DENND6B: variants seen among roughly 807,000 people sequenced by gnomAD.
DENND6B encodes DENN domain containing 6B, also known as protein DENND6B.
DENND6B carries 73 observed loss-of-function variants against 85.1 expected under a neutral mutation model. The ratio of observed to expected loss-of-function variants is 0.86; its 90% CI spans 0.71 to 1.04. The LOEUF (loss-of-function observed/expected upper bound fraction) is 1.04, where lower values mean the gene tolerates loss of function less well. DENND6B is among the 50% of genes least tolerant of loss of function. DENND6B has a pLI of 0.00. For missense variants in DENND6B, 715 were observed against 785.8 expected, an observed-to-expected ratio of 0.91 and a Z score of 1.08; for synonymous variants, 357 against 329.3, an observed-to-expected ratio of 1.08 and a Z score of -0.91.
Position 50,326,903 on chromosome 22 carries a change from C to A in DENND6B, c.86G>T (p.Arg29Leu). 1 of 1,389,422 alleles carries A rather than the reference C, an allele frequency of 7.2e-7. No homozygotes were observed. 86.1% of individuals were successfully genotyped at this position (1,389,422 alleles called of 1,614,324 possible). ...GCGCGCCCAGGGCGCCGCCGGGGTCCGCGCCGCGCGACCTGAAGACGTGGG... is the reference window on the plus strand; with the variant it reads ...GCGCGCCCAGGGCGCCGCCGGGGTCAGCGCCGCGCGACCTGAAGACGTGGG... ...AGPTSSGRAA[R>L]TPAAPWARFS... Residue 29 changes from arginine to leucine, a missense_variant, in exon 1 of 20, where the codon CGG becomes CTG. Coordinates refer to ENST00000413817, the MANE Select transcript of DENND6B (RefSeq NM_001001794.4).
chr22:50,312,886 T>A, intron 17 of DENND6B, 113 bp downstream of exon 17: 1 of 574,212 alleles, frequency 1.7e-6, no homozygotes, highest in Non-Finnish European at 2.8e-6. Context: ...ACCCTGGGGA[T>A]TGACAGGCGG....
rs373054756 is a variant in DENND6B at position 50,312,315 on chromosome 22, G to A, written c.1635+28C>T. ...CGCAGCTCCGTGCCAGGCTGGTGGC[G>A]CTGGGACAAGGCTGGGAGGCATCTT... On this transcript the variant is annotated intron_variant, in intron 19 of 19. Transcript: ENST00000413817. 2.5e-5 allele frequency: 40 copies of A among 1,610,984 alleles called. No individual in the cohort carries two copies. The African/African-American group carries it at 3.2e-4, about 13-fold the overall frequency.
intron 16 of DENND6B, 102 bp from the exon 17 acceptor site, chr22:50,313,210 GC>G: frequency 2.4e-6 from 3 of 1,255,614 alleles, no homozygotes; most frequent in Middle Eastern, 1.9e-4. Flanking sequence ...AAGACCCCCA[GC>G]CCCCACCCTG....
At chr22:50,313,562 G>T in intron 15 of DENND6B, 63 bp from the exon 16 acceptor site, 1 of 374,420 alleles carries the variant, frequency 2.7e-6, no homozygotes, top group Non-Finnish European at 3.6e-6. Flanking sequence ...ATCCCCCGCA[G>T]CCCCGTCCCC....
chr22:50,314,633 T>A lies in DENND6B; in HGVS notation c.949A>T (p.Lys317Ter), dbSNP rs755598249. 47 of 1,566,438 alleles carry A rather than the reference T, an allele frequency of 3.0e-5. No homozygotes were observed. The highest frequency in any genetic ancestry group is 3.8e-5 in the Non-Finnish European group (44 of 1,156,104). Residue 317 changes from lysine to a stop codon, truncating the protein, a stop_gained, in exon 11 of 20, where the codon AAG becomes TAG. Transcript: ENST00000413817. LOFTEE classifies it high-confidence loss of function. Reference sequence around the variant, plus strand: ...GCCTGCGTGCGTGTGGTGAACTCCTTGAACTCGCTGTCATGGATGGTGAAG... The same window carrying A: ...GCCTGCGTGCGTGTGGTGAACTCCTAGAACTCGCTGTCATGGATGGTGAAG... ...PYFTIHDSEFKEFTTRTQAPP... is the reference protein window; with the variant it reads ...PYFTIHDSEF
In DENND6B at chr22:50,312,049, G is replaced by T; in HGVS notation, c.*90C>A. 6 of 1,511,190 alleles carry T rather than the reference G, an allele frequency of 4.0e-6. No individual in the cohort carries two copies. The South Asian group carries it at 7.9e-5, about 20-fold the overall frequency. The allele number at this position is 1,511,190 out of a possible 1,614,324, so 93.6% of individuals were successfully genotyped here. On this transcript the variant is annotated 3_prime_UTR_variant, in exon 20 of 20. Coordinates refer to ENST00000413817, the MANE Select transcript of DENND6B (RefSeq NM_001001794.4). ...GTCTGGGCGGGGGGCCAAGGAAGGG[G>T]AGCGTGTGCTTGGCCCAGTGCCGCC...
Position 50,312,348 on chromosome 22 carries a change from T to G in DENND6B, c.1630A>C (p.Lys544Gln). The G allele has an allele frequency of 1.2e-6, 2 of 1,611,566 alleles. No homozygotes were observed. The highest frequency in any genetic ancestry group is 1.1e-5 in the South Asian group (1 of 90,746). ...AAGGCTGGGAGGCATCTTACCAGCT[T>G]CTCACGAAGTTTCAGGACCAGGTCC... is the stretch of plus-strand genomic sequence containing the variant. Reference protein sequence around the residue: ...VVDLVLKLREKLVRAQGHQLP... With the variant: ...VVDLVLKLREQLVRAQGHQLP... Residue 544 changes from lysine to glutamine, a missense_variant, in exon 19 of 20, where the codon AAG (lysine) becomes CAG (glutamine). By Grantham distance (53) the Lys-to-Gln change is moderately conservative. Coordinates refer to ENST00000413817, the MANE Select transcript of DENND6B (RefSeq NM_001001794.4).
chr22:50,313,116 G>A lies in DENND6B; in HGVS notation c.1348-8C>T, dbSNP rs763517035. On this transcript the variant is annotated splice_polypyrimidine_tract_variant and splice_region_variant and intron_variant, in intron 16 of 19. Transcript: ENST00000413817. ...CTGGATCTGGGGGGGAGTCTGAGAG[G>A]GGATGGGTGAGCCAGCACGTGGGAA... 1.9e-6 allele frequency: 3 copies of A among 1,552,064 alleles called. No individual in the cohort carries two copies. In the South Asian group the frequency reaches 3.6e-5, roughly 18 times the overall value.
In DENND6B at chr22:50,312,045, AG is replaced by A. The variant is rs1278700207; in HGVS notation, c.*93del. 4.7e-6 allele frequency: 7 copies of A among 1,493,086 alleles called. No homozygotes were observed. The highest frequency in any genetic ancestry group is 6.3e-6 in the Non-Finnish European group (7 of 1,118,718). 92.5% of individuals were successfully genotyped at this position (1,493,086 alleles called of 1,614,324 possible). On this transcript the variant is annotated 3_prime_UTR_variant, in exon 20 of 20. Transcript: ENST00000413817. ...TGCAGTCTGGGCGGGGGGCCAAGGAAGGGGAGCGTGTGCTTGGCCCAGTGCC... is the reference window on the plus strand; with the variant it reads ...TGCAGTCTGGGCGGGGGGCCAAGGAAGGGAGCGTGTGCTTGGCCCAGTGCC...
rs933858701 is a variant in DENND6B, at chr22:50,310,235, G to A, written c.*1904C>T. ...TGGGGCCAGGACCTTTCTCACCCTC[G>A]GGTCCCCGGCTTGTCCCTGCCACAG... is the stretch of plus-strand genomic sequence containing the variant. On this transcript the variant is annotated 3_prime_UTR_variant, in exon 20 of 20. Transcript: ENST00000413817. 5 of 152,418 alleles carry A rather than the reference G, an allele frequency of 3.3e-5. No individual in the cohort carries two copies. Among genetic ancestry groups the A allele is most frequent in the South Asian group, 2.1e-4 (1 of 4,826 alleles). The allele number at this position is 152,418 out of a possible 1,614,324, so 9.4% of individuals were successfully genotyped here.
chr22:50,317,412 G>C, intron 4 of DENND6B, 39 bp from the exon 5 acceptor site: 1 of 1,608,960 alleles, frequency 6.2e-7, no homozygotes, highest in South Asian at 1.1e-5. Context: ...CGCCCCACCC[G>C]GACCACCTGG....
chr22:50,320,500 C>T (rs2042010039), intron 1 of DENND6B, among the ~76,000 whole-genome samples: 1 of 152,190 alleles, frequency 6.6e-6, no homozygotes, highest in African/African-American at 2.4e-5. Context: ...ACTTCTGCCT[C>T]CCAGCACCTG....
Position 50,315,725 on chromosome 22 carries a change from C to A in DENND6B, c.747G>T (p.Leu249=). The A allele has an allele frequency of 6.4e-7, 1 of 1,562,360 alleles. No homozygotes were observed. Among genetic ancestry groups the A allele is most frequent in the Non-Finnish European group, 8.7e-7 (1 of 1,155,176 alleles). The change falls in exon 9 of 20, where the codon CTG becomes CTT. Residue 249 remains leucine (L), a synonymous_variant. Transcript: ENST00000413817. ...APVVLASVHE[L]DLFRCFRPVL... ...CCTAGGGGGCTCACCTGAACAGGTC[C>A]AGCTCGTGGACGCTAGCAAGAACCA...
At chr22:50,314,117 G>C (rs2041696248) in intron 13 of DENND6B, 90 bp downstream of exon 13, 1 of 1,442,920 alleles carries the variant, frequency 6.9e-7, no homozygotes, top group Non-Finnish European at 9.2e-7. Flanking sequence ...TCAGGGGTCT[G>C]GGGGCCTGGC....
chr22:50,319,685 C>T (rs1277659330), intron 1 of DENND6B, among the ~76,000 whole-genome samples: 2 of 152,116 alleles, frequency 1.3e-5, no homozygotes, highest in Non-Finnish European at 2.9e-5. Context: ...CAGAGGGCCC[C>T]GGTCGTGCTG....
At chr22:50,314,315 C>A in intron 12 of DENND6B, 43 bp from the exon 13 acceptor site, 1 of 1,599,786 alleles carries the variant, frequency 6.3e-7, no homozygotes, top group South Asian at 1.1e-5. Flanking sequence ...GCCCGCAGCT[C>A]TGGCCATCCC....
rs376393455 is a variant in DENND6B at position 50,312,207 on chromosome 22, G to T, written c.1690C>A (p.Gln564Lys). The T allele has an allele frequency of 8.4e-5, 136 of 1,612,496 alleles. No homozygotes were observed. In the Middle Eastern group the frequency reaches 2.6e-3, roughly 31 times the overall value. ...CCGATGACCGTCTCGATGTACAGCT[G>T]TGCCCGCTGCAGCGTAGCCTCCTTC... ...PVKEATLQRA[Q>K]LYIETVIGSL... The change falls in exon 20 of 20, where the codon CAG (glutamine) becomes AAG (lysine). Residue 564 changes from glutamine (Q) to lysine (K), a missense_variant. By Grantham distance (53) the Gln-to-Lys change is moderately conservative. Transcript: ENST00000413817.
chr22:50,324,498 C>A (rs1471189839), intron 1 of DENND6B, among the ~76,000 whole-genome samples: 1 of 152,198 alleles, frequency 6.6e-6, no homozygotes, highest in Non-Finnish European at 1.5e-5. Context: ...GATCTCGGCT[C>A]ACCACAACCT....
At chr22:50,317,495 C>A in intron 4 of DENND6B, 122 bp from the exon 5 acceptor site, 1 of 1,125,918 alleles carries the variant, frequency 8.9e-7, no homozygotes, top group South Asian at 1.3e-5. Context: ...AACCAGGAGG[C>A]TCCTGGAGCT....
Sources: gnomAD v4.1 joint callset for allele counts (sites outside exome capture counted in the v4.1 genomes callset) on GRCh38, gnomAD v4.1.1 for gene constraint, MANE v1.5 for transcripts, NCBI Gene and HGNC (gene_info 2026-07-23, HGNC 2026-07-21) for gene names.